TRDMT1: variants seen among roughly 807,000 people sequenced by gnomAD.
The protein encoded by TRDMT1 is tRNA (cytosine(38)-C(5))-methyltransferase.
TRDMT1 carries 49 observed loss-of-function variants against 51.2 expected under a neutral mutation model. The ratio of observed to expected loss-of-function variants is 0.96; its 90% CI spans 0.76 to 1.21. The LOEUF (loss-of-function observed/expected upper bound fraction) is 1.21, where lower values mean the gene tolerates loss of function less well. Ranked by LOEUF, TRDMT1 falls within the 50% of genes most tolerant of loss-of-function variation. The probability of loss-of-function intolerance (pLI) is 0.00; values close to 1 mark genes in which losing one functional copy is unlikely to be tolerated. For missense variants in TRDMT1, 534 were observed against 462.3 expected (o/e 1.16, Z -1.42); for synonymous variants, 187 against 164.6 (o/e 1.14, Z -1.04).
Position 17,142,776 on chromosome 10 carries a change from G to A in TRDMT1, c.*6264C>T, listed in dbSNP as rs946979676. ...TGGGTAACCTTCCTCTGTTGGGTGA[G>A]GGGTCAGATGTCTTGGAACCATGTT... On this transcript the variant is annotated 3_prime_UTR_variant, in exon 11 of 11. Coordinates refer to ENST00000377799, the MANE Select transcript of TRDMT1 (RefSeq NM_004412.7). 8.3e-5 allele frequency: 14 copies of A among 168,392 alleles called. No individual in the cohort carries two copies. Among genetic ancestry groups the A allele is most frequent in the Non-Finnish European group, 1.6e-4 (13 of 82,880 alleles). The allele number at this position is 168,392 out of a possible 1,614,324, so 10.4% of individuals were successfully genotyped here. A position where few individuals can be genotyped will look rare whatever the true frequency, so the allele number is the denominator to read the frequency against.
At chr10:17,183,066 T>A (rs1407504546) in intron 1 of TRDMT1, among the ~76,000 whole-genome samples, 1 of 152,230 alleles carries the variant, frequency 6.6e-6, no homozygotes, top group Non-Finnish European at 1.5e-5. Flanking sequence ...TTATACTACA[T>A]CTGGAAATGT....
Position 17,201,555 on chromosome 10 carries a change from C to T in TRDMT1, c.64+16G>A. The stretch of plus-strand genomic sequence containing the variant: ...CCGTGAGCGAATAGAGAGAGGGGTG[C>T]TAGATGGACTCTCACCTCTCAGCGC... On this transcript the variant is annotated intron_variant, in intron 1 of 10. Coordinates refer to ENST00000377799, the MANE Select transcript of TRDMT1 (RefSeq NM_004412.7). 4 of 1,548,860 alleles carry T rather than the reference C, an allele frequency of 2.6e-6. No individual in the cohort carries two copies. Among genetic ancestry groups the T allele is most frequent in the Non-Finnish European group, 2.6e-6 (3 of 1,145,634 alleles).
chr10:17,156,842 C>T (rs1839589051), intron 8 of TRDMT1, among the ~76,000 whole-genome samples: 1 of 151,998 alleles, frequency 6.6e-6, no homozygotes, highest in Non-Finnish European at 1.5e-5. Context: ...AGATACAATA[C>T]CTCTGGAAGA....
chr10:17,137,463 T>C lies in TRDMT1; in HGVS notation c.*11577A>G, dbSNP rs772924126. The C allele has an allele frequency of 2.0e-5, 3 of 152,136 alleles. No homozygotes were observed. The highest frequency in any genetic ancestry group is 2.0e-4 in the Admixed American group (3 of 15,276). 9.4% of individuals were successfully genotyped at this position (152,136 alleles called of 1,614,324 possible). On this transcript the variant is annotated 3_prime_UTR_variant, in exon 11 of 11. Transcript: ENST00000377799. ...GTGACAAGATGGCACAGATACACAG[T>C]AGCATGCTGTTAAGTAAACAGCAGG...
chr10:17,152,128 A>T (rs1192952997), intron 10 of TRDMT1: 1 of 1,271,570 alleles, frequency 7.9e-7, no homozygotes, highest in Non-Finnish European at 1.0e-6. Flanking sequence ...AATAGTAGCT[A>T]GGAAAGCAGA....
At position 17,157,584 on chromosome 10, in the gene TRDMT1, G is replaced by C; in HGVS notation, c.744C>G (p.Leu248=). 3 of 1,614,026 alleles carry C rather than the reference G, an allele frequency of 1.9e-6. No homozygotes were observed. The African/African-American group carries it at 4.0e-5, about 22-fold the overall frequency. ...IHRKNQQDSD[L]SVKMLKDFLE... is the part of the protein sequence containing the mutation. ...GAAAATCTTTTAGCATTTTCACAGAGAGATCACTATCTTGTTGATTTTTCC... is the reference window on the plus strand; with the variant it reads ...GAAAATCTTTTAGCATTTTCACAGACAGATCACTATCTTGTTGATTTTTCC... The change falls in exon 8 of 11, where the codon CTC becomes CTG. Residue 248 remains leucine (L), a synonymous_variant. Transcript: ENST00000377799.
chr10:17,190,624 C>A lies in TRDMT1; in HGVS notation c.64+10947G>T, dbSNP rs116715557. 7.0e-3 allele frequency among the ~76,000 whole-genome samples: 1,067 copies of A among 152,220 alleles called. 16 individuals carry two copies. The highest frequency in any genetic ancestry group is 0.024 in the African/African-American group (985 of 41,534). On this transcript the variant is annotated intron_variant, in intron 1 of 10. Transcript: ENST00000377799. Reference sequence around the variant, plus strand: ...TGTATTACAGAAAAATATTTGTTATCTATTAAAATCTCACACACAACCATG... The same window carrying A: ...TGTATTACAGAAAAATATTTGTTATATATTAAAATCTCACACACAACCATG...
intron 3 of TRDMT1, among the ~76,000 whole-genome samples, chr10:17,168,491 C>T (rs1391110893): frequency 1.3e-5 from 2 of 152,238 alleles, no homozygotes; most frequent in East Asian, 1.9e-4. Context: ...TTGGCTGTGT[C>T]CCCATCCAAA....
chr10:17,190,902 A>G (rs1844601221), intron 1 of TRDMT1, among the ~76,000 whole-genome samples: 1 of 152,256 alleles, frequency 6.6e-6, no homozygotes, highest in Non-Finnish European at 1.5e-5. Context: ...CTAACAATAA[A>G]AAGTACTATG....
intron 7 of TRDMT1, among the ~76,000 whole-genome samples, chr10:17,158,122 C>A (rs1275070223): frequency 6.6e-6 from 1 of 152,048 alleles, no homozygotes; most frequent in African/African-American, 2.4e-5. Flanking sequence ...GCAACACTAA[C>A]ATTTCCAGAA....
intron 3 of TRDMT1, among the ~76,000 whole-genome samples, chr10:17,164,798 A>G (rs1256747277): frequency 2.0e-5 from 3 of 152,184 alleles, no homozygotes; most frequent in Non-Finnish European, 4.4e-5. Context: ...AATACCTAGG[A>G]ATCCAACTTA....
intron 10 of TRDMT1, chr10:17,150,848 A>G (rs1377967464): frequency 1.0e-6 from 1 of 985,014 alleles, no homozygotes; most frequent in Non-Finnish European, 1.2e-6. Flanking sequence ...ATCTAAAATT[A>G]TTTACTTCAA....
chr10:17,155,779 T>C (rs970980904), intron 8 of TRDMT1, among the ~76,000 whole-genome samples: 2 of 152,162 alleles, frequency 1.3e-5, no homozygotes, highest in Admixed American at 6.5e-5. Flanking sequence ...AAAATAATTT[T>C]TTTCAAACTG....
chr10:17,156,768 A>G (rs1213985653), intron 8 of TRDMT1, among the ~76,000 whole-genome samples: 1 of 152,188 alleles, frequency 6.6e-6, no homozygotes, highest in Non-Finnish European at 1.5e-5. Context: ...GGGCATATAT[A>G]TAATATCCTG....
chr10:17,188,907 T>G (rs1844311921), intron 1 of TRDMT1, among the ~76,000 whole-genome samples: 1 of 152,224 alleles, frequency 6.6e-6, no homozygotes, highest in South Asian at 2.1e-4. Context: ...ATCCAACACT[T>G]GTAATTGTGA....
In TRDMT1 at chr10:17,195,266, C is replaced by T. The variant is rs568688225; in HGVS notation, c.64+6305G>A. ...GTATATATACACCATTGGAATACTA[C>T]GCAGCCATAAAAAAGAACAAAATCA... On this transcript the variant is annotated intron_variant, in intron 1 of 10. Coordinates refer to ENST00000377799, the MANE Select transcript of TRDMT1 (RefSeq NM_004412.7). Among the ~76,000 whole-genome samples the T allele has an allele frequency of 1.2e-4, 18 of 152,220 alleles. No individual in the cohort carries two copies. The East Asian group carries it at 3.1e-3, about 26-fold the overall frequency.
chr10:17,170,700 C>A (rs140269527), intron 2 of TRDMT1, among the ~76,000 whole-genome samples: 30 of 152,112 alleles, frequency 2.0e-4, no homozygotes, highest in African/African-American at 7.2e-4. Context: ...GACCACAGTA[C>A]GCTTTCATCA....
chr10:17,143,570 C>A lies in TRDMT1; in HGVS notation c.*5470G>T, dbSNP rs12248293. ...AAAATAGCAAATATTTTAGTAAAAA[C>A]GACATTCATGCTGGATTAAATTTAG... On this transcript the variant is annotated 3_prime_UTR_variant, in exon 11 of 11. Coordinates refer to ENST00000377799, the MANE Select transcript of TRDMT1 (RefSeq NM_004412.7). 1.0e-6 allele frequency: 1 copy of A among 985,320 alleles called. No homozygotes were observed. Among genetic ancestry groups the A allele is most frequent in the Admixed American group, 6.1e-5 (1 of 16,280 alleles). 61.0% of individuals were successfully genotyped at this position (985,320 alleles called of 1,614,324 possible).
chr10:17,158,641 T>C (rs1332145033), intron 7 of TRDMT1, among the ~76,000 whole-genome samples: 1 of 152,138 alleles, frequency 6.6e-6, no homozygotes, highest in Non-Finnish European at 1.5e-5. Context: ...TAGAGATTCT[T>C]TCTGTAGCAA....
Sources: allele counts gnomAD v4.1 joint callset (sites outside exome capture counted in the v4.1 genomes callset), GRCh38; gene constraint gnomAD v4.1.1; transcripts MANE v1.5; gene names NCBI Gene and HGNC (gene_info 2026-07-23, HGNC 2026-07-21).